The following FGF14 variants were observed in gnomAD, a reference collection of about 807,000 sequenced individuals.
FGF14 encodes fibroblast growth factor 14, also known as fibroblast growth factor homologous factor 4.
FGF14 carries 5 observed loss-of-function variants against 25.5 expected under a neutral mutation model. The ratio of observed to expected loss-of-function variants is 0.20; its 90% CI spans 0.10 to 0.41. FGF14 has a LOEUF of 0.41. FGF14 is among the 10% of genes least tolerant of loss of function. FGF14 has a pLI of 1.00. For missense variants in FGF14, 222 were observed against 320.1 expected (o/e 0.69, Z 2.34); for synonymous variants, 138 against 118.3 (o/e 1.17, Z -1.08).
chr13:101,799,879 T>G (rs1026287077), intron 3 of FGF14, among the ~76,000 whole-genome samples: 2 of 152,128 alleles, frequency 1.3e-5, no homozygotes, highest in South Asian at 2.1e-4. Context: ...TCCACAGTAA[T>G]GATTTCATGG....
At chr13:102,020,355 C>A (rs980199276) in intron 1 of FGF14, among the ~76,000 whole-genome samples, 1 of 151,934 alleles carries the variant, frequency 6.6e-6, no homozygotes, top group African/African-American at 2.4e-5. Context: ...TTGAGACCAG[C>A]CTGACCAACA....
chr13:102,244,128 G>T (rs936693930), intron 1 of FGF14, among the ~76,000 whole-genome samples: 1 of 151,972 alleles, frequency 6.6e-6, no homozygotes, highest in South Asian at 2.1e-4. Flanking sequence ...TACAAACGCG[G>T]TCTGTATTCT....
At chr13:101,898,341 A>AACACACACAC (rs55676818) in intron 1 of FGF14, among the ~76,000 whole-genome samples, 7,969 of 144,362 alleles carry the variant, frequency 0.055, 380 homozygotes, top group Admixed American at 0.12. Flanking sequence ...TGAAACATAC[A>AACACACACAC]ACACACACAC....
intron 1 of FGF14, among the ~76,000 whole-genome samples, chr13:102,014,336 G>T (rs1324722680): frequency 6.6e-6 from 1 of 152,086 alleles, no homozygotes; most frequent in African/African-American, 2.4e-5. Context: ...TTCCACTAGT[G>T]TAACAACTCT....
At position 101,960,489 on chromosome 13, in the gene FGF14, A is replaced by G. The variant is rs184150498; in HGVS notation, c.209-85193T>C. On this transcript the variant is annotated intron_variant, in intron 1 of 4. Coordinates refer to the FGF14 transcript ENST00000376131. ...TTTTCTGCTGAGGATAATGGCTTCT[A>G]GCTCCATCCATGTCCCTGCAAAGGA... Among the ~76,000 whole-genome samples, 277 of 152,276 alleles carry G rather than the reference A, an allele frequency of 1.8e-3. 1 individual carries two copies. The highest frequency in any genetic ancestry group is 6.2e-3 in the African/African-American group (259 of 41,558).
chr13:101,778,362 C>T (rs2039271773), intron 3 of FGF14, among the ~76,000 whole-genome samples: 3 of 151,536 alleles, frequency 2.0e-5, no homozygotes, highest in Non-Finnish European at 4.4e-5. Context: ...ACACCACTTC[C>T]ATCATGGTTC....
chr13:101,725,698 G>A (rs2035372484), intron 4 of FGF14, among the ~76,000 whole-genome samples: 1 of 152,010 alleles, frequency 6.6e-6, no homozygotes, highest in African/African-American at 2.4e-5. Flanking sequence ...AGAAAATTGA[G>A]CTGTCCAAGC....
At chr13:102,396,257 C>G (rs2058580676) in intron 1 of FGF14, among the ~76,000 whole-genome samples, 1 of 152,078 alleles carries the variant, frequency 6.6e-6, no homozygotes, top group Non-Finnish European at 1.5e-5. Context: ...CTGAGTTGGG[C>G]TCAAAGGTTT....
intron 3 of FGF14, among the ~76,000 whole-genome samples, chr13:101,738,378 AACACTGAATTTGTGGAAT>A (rs1291469321): frequency 2.0e-5 from 3 of 152,246 alleles, no homozygotes; most frequent in Admixed American, 2.0e-4. Flanking sequence ...AAGAATCAGC[AACACTGAATTTGTGGAAT>A]ACAAAGGAAG....
intron 1 of FGF14, among the ~76,000 whole-genome samples, chr13:101,975,183 C>T (rs1372541903): frequency 6.6e-6 from 1 of 152,116 alleles, no homozygotes; most frequent in Non-Finnish European, 1.5e-5. Context: ...ACTCCAGCCT[C>T]CTGTGCCCCA....
intron 1 of FGF14, among the ~76,000 whole-genome samples, chr13:102,066,878 C>T (rs1229349523): frequency 6.6e-6 from 1 of 152,188 alleles, no homozygotes; most frequent in Non-Finnish European, 1.5e-5. Flanking sequence ...AGTTTCTCCC[C>T]ATCCTCACAA....
chr13:102,073,321 G>A (rs1340014819), intron 1 of FGF14, among the ~76,000 whole-genome samples: 1 of 152,152 alleles, frequency 6.6e-6, no homozygotes, highest in African/African-American at 2.4e-5. Context: ...CATTGTTGCA[G>A]TGGTTTCTGA....
chr13:102,128,373 G>A (rs1437796115), intron 1 of FGF14, among the ~76,000 whole-genome samples: 2 of 152,200 alleles, frequency 1.3e-5, no homozygotes, highest in Non-Finnish European at 2.9e-5. Flanking sequence ...AAATATGCCT[G>A]TGGCTGACAA....
chr13:101,836,279 C>A (rs1005702642), intron 3 of FGF14, among the ~76,000 whole-genome samples: 1 of 152,080 alleles, frequency 6.6e-6, no homozygotes. Flanking sequence ...TTCTACCTGA[C>A]TGTATGCTCT....
chr13:101,977,773 C>A (rs950588837), intron 1 of FGF14, among the ~76,000 whole-genome samples: 7 of 152,116 alleles, frequency 4.6e-5, no homozygotes, highest in African/African-American at 1.7e-4. Flanking sequence ...CTTAGAACCA[C>A]TGAATCATCA....
chr13:101,752,746 T>G (rs2037372006), intron 3 of FGF14, among the ~76,000 whole-genome samples: 1 of 152,180 alleles, frequency 6.6e-6, no homozygotes, highest in South Asian at 2.1e-4. Flanking sequence ...TCTAAGTTAT[T>G]GATGACGTTC....
At chr13:102,359,269 A>G (rs534215065) in intron 1 of FGF14, among the ~76,000 whole-genome samples, 110 of 152,332 alleles carry the variant, frequency 7.2e-4, no homozygotes, top group African/African-American at 2.6e-3. Context: ...ACCATGGCAC[A>G]CATTTACCTA....
chr13:102,050,004 G>T (rs1349903590), intron 1 of FGF14, among the ~76,000 whole-genome samples: 1 of 152,186 alleles, frequency 6.6e-6, no homozygotes, highest in South Asian at 2.1e-4. Flanking sequence ...GGGACACTTT[G>T]TTATGACAGC....
chr13:102,081,082 G>T (rs2043596146), intron 1 of FGF14, among the ~76,000 whole-genome samples: 1 of 152,226 alleles, frequency 6.6e-6, no homozygotes, highest in Non-Finnish European at 1.5e-5. Flanking sequence ...GGTTGAAATA[G>T]CAGGAGGCAA....
Sources: allele counts gnomAD v4.1 joint callset (sites outside exome capture counted in the v4.1 genomes callset), GRCh38; gene constraint gnomAD v4.1.1; transcripts MANE v1.5; gene names NCBI Gene and HGNC (gene_info 2026-07-23, HGNC 2026-07-21).